Variants in TENM3 observed in about 807,000 individuals in gnomAD.
TENM3 encodes teneurin transmembrane protein 3, also known as teneurin-3.
In TENM3, 63 loss-of-function variants were observed where a neutral mutation model predicts 255.1. The ratio of observed to expected loss-of-function variants is 0.25; its 90% confidence interval spans 0.20 to 0.30. The LOEUF is 0.30. TENM3 is among the 10% of genes least tolerant of loss of function. The pLI is 1.00. For missense variants in TENM3, 2,929 were observed against 3,461.1 expected, an observed-to-expected ratio of 0.85 and a Z score of 3.86; for synonymous variants, 1,306 against 1,322.3, an observed-to-expected ratio of 0.99 and a Z score of 0.27.
chr4:182,475,044 T>G (rs540707530), intron 3 of TENM3, among the ~76,000 whole-genome samples: 2 of 152,330 alleles, frequency 1.3e-5, no homozygotes, highest in African/African-American at 4.8e-5. Context: ...ATAAGTCCTC[T>G]GAACTGCAAG....
At chr4:182,355,706 A>T (rs1425559823) in intron 3 of TENM3, among the ~76,000 whole-genome samples, 1 of 152,146 alleles carries the variant, frequency 6.6e-6, no homozygotes, top group Non-Finnish European at 1.5e-5. Flanking sequence ...TAGAATCAAG[A>T]TTTGATGATT....
chr4:181,981,055 C>T, the TENM3 span, among the ~76,000 whole-genome samples: 4 of 152,116 alleles, frequency 2.6e-5, no homozygotes, highest in African/African-American at 9.7e-5. Flanking sequence ...CCATGCGTGC[C>T]ACATTAATTG....
intron 3 of TENM3, among the ~76,000 whole-genome samples, chr4:182,555,977 C>A (rs1742544367): frequency 6.6e-6 from 1 of 151,972 alleles, no homozygotes; most frequent in South Asian, 2.1e-4. Context: ...ATGCTTAATG[C>A]AGGAAGTAAT....
the TENM3 span, among the ~76,000 whole-genome samples, chr4:181,661,374 A>C: frequency 3.3e-5 from 5 of 152,256 alleles, no homozygotes; most frequent in African/African-American, 1.2e-4. Context: ...TTTTCACATA[A>C]TCTTTCCATA....
Position 182,799,454 on chromosome 4 carries a change from G to A in TENM3, c.7345-142G>A, listed in dbSNP as rs373539434. On this transcript the variant is annotated intron_variant, in intron 27 of 27. Coordinates refer to ENST00000511685, the MANE Select transcript of TENM3 (RefSeq NM_001080477.4). The surrounding 1 kb of genome is among the most constrained non-coding windows in gnomAD (Gnocchi z 4.2). ...GGGATCTCGAGTGCTCCCTCCACCC[G>A]GGCTGTCAGCCTTCTGGTCAGGGAA... The A allele has an allele frequency of 2.8e-6, 3 of 1,056,324 alleles. No individual in the cohort carries two copies. The highest frequency in any genetic ancestry group is 6.0e-5 in the Admixed American group (2 of 33,154). The allele number at this position is 1,056,324 out of a possible 1,614,324, so 65.4% of individuals were successfully genotyped here.
At chr4:182,519,763 G>C (rs559989586) in intron 3 of TENM3, among the ~76,000 whole-genome samples, 115 of 152,198 alleles carry the variant, frequency 7.6e-4, no homozygotes, top group Middle Eastern at 3.4e-3. Context: ...ACTCATCAGG[G>C]CCTGAAGTTT....
intron 4 of TENM3, among the ~76,000 whole-genome samples, chr4:182,604,281 T>C (rs897124948): frequency 7.9e-5 from 12 of 152,200 alleles, no homozygotes; most frequent in Non-Finnish European, 1.5e-5. Flanking sequence ...CACACTGAGA[T>C]CCAAAAATGC....
At chr4:182,722,267 A>T (rs1243217059) in intron 13 of TENM3, among the ~76,000 whole-genome samples, 1 of 152,220 alleles carries the variant, frequency 6.6e-6, no homozygotes, top group Non-Finnish European at 1.5e-5. Context: ...TTCAAGGATT[A>T]GCATAGTGTC....
intron 1 of TENM3, among the ~76,000 whole-genome samples, chr4:182,218,474 C>G (rs930461078): frequency 6.6e-6 from 1 of 151,954 alleles, no homozygotes; most frequent in African/African-American, 2.4e-5. Context: ...GCCTGATGAC[C>G]CTGGTGAGTA....
intron 1 of TENM3, among the ~76,000 whole-genome samples, chr4:182,157,306 A>T (rs1266780522): frequency 6.6e-6 from 1 of 152,236 alleles, no homozygotes; most frequent in African/African-American, 2.4e-5. Context: ...ATTGGAAGCC[A>T]GTGACCTGAG....
chr4:182,634,993 TAAACTGCA>T (rs1254198835), intron 5 of TENM3, among the ~76,000 whole-genome samples: 1 of 152,172 alleles, frequency 6.6e-6, no homozygotes, highest in Non-Finnish European at 1.5e-5. Context: ...TGACGCCAAT[TAAACTGCA>T]AATAAGCCCT....
chr4:182,774,493 C>A (rs1764519597), intron 23 of TENM3, among the ~76,000 whole-genome samples: 1 of 152,172 alleles, frequency 6.6e-6, no homozygotes, highest in African/African-American at 2.4e-5. Context: ...GATATTAATC[C>A]TTTCAAAGGA....
chr4:181,516,775 T>C, the TENM3 span, among the ~76,000 whole-genome samples: 1 of 130,490 alleles, frequency 7.7e-6, no homozygotes, highest in Admixed American at 7.2e-5. Context: ...AAACTCCATC[T>C]CCAAAAAAAA....
the TENM3 span, among the ~76,000 whole-genome samples, chr4:181,611,643 A>G: frequency 4.8e-4 from 73 of 152,284 alleles, no homozygotes; most frequent in Non-Finnish European, 7.4e-4. Context: ...TTATTTTTTT[A>G]AACAACCACG....
intron 3 of TENM3, among the ~76,000 whole-genome samples, chr4:182,590,894 G>A (rs1013730723): frequency 6.6e-6 from 1 of 151,820 alleles, no homozygotes; most frequent in Admixed American, 6.6e-5. Context: ...AAAGATTACA[G>A]AAACTGGCAG....
At chr4:181,968,984 C>CTA in the TENM3 span, among the ~76,000 whole-genome samples, 25 of 128,656 alleles carry the variant, frequency 1.9e-4, no homozygotes, top group Non-Finnish European at 2.5e-4. Flanking sequence ...CTCTCTCTCT[C>CTA]TCTCTCTCTA....
the TENM3 span, among the ~76,000 whole-genome samples, chr4:182,082,516 T>C: frequency 6.6e-6 from 1 of 152,194 alleles, no homozygotes; most frequent in Non-Finnish European, 1.5e-5. Context: ...ATATATTAAT[T>C]GAAAATTTCA....
the TENM3 span, among the ~76,000 whole-genome samples, chr4:181,543,973 T>A: frequency 6.6e-6 from 1 of 152,178 alleles, no homozygotes; most frequent in East Asian, 1.9e-4. Context: ...AGCCCATGGG[T>A]CCATTCGCTG....
the TENM3 span, among the ~76,000 whole-genome samples, chr4:181,614,811 T>A: frequency 6.6e-6 from 1 of 152,248 alleles, no homozygotes; most frequent in East Asian, 1.9e-4. Context: ...CAGCCATAAG[T>A]AGCTCCTTCA....
Sources: allele counts gnomAD v4.1 joint callset (sites outside exome capture counted in the v4.1 genomes callset), GRCh38; gene constraint gnomAD v4.1.1; non-coding constraint Gnocchi (gnomAD v3.1); transcripts MANE v1.5; gene names NCBI Gene and HGNC (gene_info 2026-07-23, HGNC 2026-07-21).